Variants in BDNF observed in about 807,000 individuals in gnomAD.
The protein encoded by BDNF is neurotrophic factor BDNF precursor form.
In BDNF, 1 loss-of-function variant was observed where a neutral mutation model predicts 19.5. The observed-to-expected ratio is 0.05, with a 90% CI of 0.02 to 0.24. The LOEUF (loss-of-function observed/expected upper bound fraction) is 0.24, where lower values mean the gene tolerates loss of function less well. BDNF is among the 10% of genes least tolerant of loss of function. The pLI is 1.00. For synonymous variants in BDNF, 100 were observed against 121.6 expected (o/e 0.82, Z 1.17); for missense variants, 195 against 317.6 (o/e 0.61, Z 2.93).
intron 1 of BDNF, chr11:27,665,182 A>G (rs1483781899): frequency 6.6e-6 from 1 of 152,218 alleles, no homozygotes; most frequent in Non-Finnish European, 1.5e-5. Flanking sequence ...TATTGAAACC[A>G]TATAATATTT....
intron 1 of BDNF, chr11:27,674,132 C>T (rs1324324018): frequency 6.2e-7 from 1 of 1,611,992 alleles, no homozygotes; most frequent in Non-Finnish European, 8.5e-7. Flanking sequence ...CACAGCCCTT[C>T]TTCTGGGATG....
At chr11:27,718,354 A>ACCCCCCCCCCCCC (rs376255605) in intron 1 of BDNF, among the ~76,000 whole-genome samples, 35 of 101,144 alleles carry the variant, frequency 3.5e-4, no homozygotes, top group East Asian at 1.1e-3. Flanking sequence ...TCCGCACACC[A>ACCCCCCCCCCCCC]CCCCCCCCCG....
Position 27,658,411 on chromosome 11 carries a change from C to G in BDNF, c.154G>C (p.Gly52Arg). ...TLESVNGPKA[G>R]SRGLTSLADT... ...GCCAATGATGTCAAGCCTCTTGAAC[C>G]TGCCTTGGGCCCATTCACGCTCTCC... The change falls in exon 2 of 2, where the codon GGT (glycine) becomes CGT (arginine). Residue 52 changes from glycine (G) to arginine (R), a missense_variant. Around this residue, in one of 2 missense-constraint regions of BDNF, gnomAD observed 124 missense variants for 155.0 expected, o/e 0.80. Transcript: ENST00000356660. This position sits in a 1 kb window ranked among gnomAD's most constrained non-coding sequence, Gnocchi z 5.7. The G allele has an allele frequency of 1.2e-6, 2 of 1,614,222 alleles. No individual in the cohort carries two copies. The highest frequency in any genetic ancestry group is 1.7e-6 in the Non-Finnish European group (2 of 1,180,038).
intron 1 of BDNF, among the ~76,000 whole-genome samples, chr11:27,661,722 G>T (rs1853472983): frequency 6.6e-6 from 1 of 152,108 alleles, no homozygotes; most frequent in Non-Finnish European, 1.5e-5. Flanking sequence ...ACCCTTCTTA[G>T]CTAACTTTCT....
intron 1 of BDNF, among the ~76,000 whole-genome samples, chr11:27,691,416 T>A (rs1858261505): frequency 6.6e-6 from 1 of 152,162 alleles, no homozygotes. Flanking sequence ...GCACGGTGAA[T>A]TAACAAATGA....
intron 1 of BDNF, chr11:27,719,538 C>A (rs1388931832): frequency 2.0e-6 from 2 of 985,380 alleles, no homozygotes; most frequent in Non-Finnish European, 2.4e-6. Context: ...TCCGGCCCGG[C>A]TGGGGAGCGG....
intron 1 of BDNF, chr11:27,699,359 C>T (rs371587539): frequency 3.8e-5 from 61 of 1,613,884 alleles, no homozygotes; most frequent in Admixed American, 6.7e-5. Context: ...TCAGCTATTT[C>T]TTTCCAGGAG....
At chr11:27,669,880 CT>C (rs1442908361) in intron 1 of BDNF, among the ~76,000 whole-genome samples, 4 of 146,180 alleles carry the variant, frequency 2.7e-5, no homozygotes, top group African/African-American at 9.7e-5. Context: ...CTACCAATGA[CT>C]TTCTCCACAG....
chr11:27,718,411 C>T (rs1036626754), intron 1 of BDNF, among the ~76,000 whole-genome samples: 8 of 146,232 alleles, frequency 5.5e-5, no homozygotes, highest in African/African-American at 2.0e-4. Context: ...GCGTTCAGCC[C>T]TGCAGATCCG....
At chr11:27,691,989 A>G (rs1345322825) in intron 1 of BDNF, among the ~76,000 whole-genome samples, 1 of 152,204 alleles carries the variant, frequency 6.6e-6, no homozygotes, top group Non-Finnish European at 1.5e-5. Context: ...TGAATTTGAT[A>G]AGAACTTTTT....
intron 1 of BDNF, chr11:27,674,554 C>A: frequency 1.0e-6 from 1 of 985,264 alleles, no homozygotes; most frequent in Non-Finnish European, 1.2e-6. Context: ...TCCAGAACTA[C>A]TATAAAATAT....
At chr11:27,663,017 C>G (rs529720680) in intron 1 of BDNF, among the ~76,000 whole-genome samples, 1 of 152,262 alleles carries the variant, frequency 6.6e-6, no homozygotes, top group East Asian at 1.9e-4. Flanking sequence ...TCTAACAGAT[C>G]AATAAGAGAC....
intron 1 of BDNF, among the ~76,000 whole-genome samples, chr11:27,671,505 A>G (rs1482101083): frequency 6.6e-6 from 1 of 152,138 alleles, no homozygotes; most frequent in Non-Finnish European, 1.5e-5. Context: ...ATTTATAGAA[A>G]ATTTTCAAGT....
chr11:27,659,244 G>C, intron 1 of BDNF: 1 of 989,220 alleles, frequency 1.0e-6, no homozygotes, highest in African/African-American at 1.8e-5. Context: ...GAAACCAAAG[G>C]CCATAGAAGA....
chr11:27,701,771 G>T, upstream of BDNF: 1 of 313,214 alleles, frequency 3.2e-6, no homozygotes, highest in Non-Finnish European at 4.6e-6. Context: ...TCTTTTATTA[G>T]AAGAGTTCCG....
intron 1 of BDNF, among the ~76,000 whole-genome samples, chr11:27,669,304 T>C (rs1854927201): frequency 6.6e-6 from 1 of 152,200 alleles, no homozygotes; most frequent in South Asian, 2.1e-4. Context: ...AATGTCATAC[T>C]GAATGGGCAA....
At chr11:27,662,277 G>C (rs949886256) in intron 1 of BDNF, among the ~76,000 whole-genome samples, 1 of 152,202 alleles carries the variant, frequency 6.6e-6, no homozygotes, top group Non-Finnish European at 1.5e-5. Flanking sequence ...CAGCTGAAAG[G>C]TAAGTTCTTT....
In BDNF at chr11:27,658,637, AC is replaced by A. The variant is rs775142999; in HGVS notation, c.-21-53del. Reference sequence around the variant, plus strand: ...AGAAAACTGGTTAGGGCTTTCTTTCACCGGGATGCCATGTGGCCCATCTGAT... The same window carrying A: ...AGAAAACTGGTTAGGGCTTTCTTTCACGGGATGCCATGTGGCCCATCTGAT... On this transcript the variant is annotated intron_variant, in intron 1 of 1. Coordinates refer to ENST00000356660, the MANE Select transcript of BDNF (RefSeq NM_001709.5). The surrounding 1 kb of genome is among the most constrained non-coding windows in gnomAD (Gnocchi z 5.7). 17 of 1,613,866 alleles carry A rather than the reference AC, an allele frequency of 1.1e-5. No homozygotes were observed. The highest frequency in any genetic ancestry group is 1.4e-5 in the Non-Finnish European group (16 of 1,180,006).
chr11:27,697,397 A>G (rs1171412141), intron 1 of BDNF: 2 of 152,164 alleles, frequency 1.3e-5, no homozygotes, highest in Non-Finnish European at 2.9e-5. Context: ...AATAGCTTAC[A>G]TTTTCATGGC....
Sources: allele counts gnomAD v4.1 joint callset (sites outside exome capture counted in the v4.1 genomes callset), GRCh38; gene constraint gnomAD v4.1.1; regional missense constraint gnomAD v4.1.1; non-coding constraint Gnocchi (gnomAD v3.1); transcripts MANE v1.5; gene names NCBI Gene and HGNC (gene_info 2026-07-23, HGNC 2026-07-21).